The following NRXN3 variants were observed in gnomAD, a reference collection of about 807,000 sequenced individuals.
NRXN3 encodes the protein neurexin 3, also known as neurexin III.
Under a neutral mutation model 137.6 loss-of-function variants are expected in NRXN3, and 32 were observed. The ratio of observed to expected loss-of-function variants is 0.23; its 90% CI spans 0.18 to 0.31. The LOEUF is 0.31. Ranked by LOEUF, NRXN3 falls within the 10% of genes least tolerant of loss-of-function variation. NRXN3 has a pLI of 1.00. For missense variants in NRXN3, 1,574 were observed against 2,062.5 expected (o/e 0.76, Z 4.59); for synonymous variants, 798 against 784.5 (o/e 1.02, Z -0.29).
chr14:79,826,329 C>T (rs1237360686), intron 20 of NRXN3, among the ~76,000 whole-genome samples: 12 of 152,080 alleles, frequency 7.9e-5, no homozygotes, highest in Admixed American at 7.9e-4. Flanking sequence ...TTTCAAATAA[C>T]TTTATAGTTG....
intron 15 of NRXN3, among the ~76,000 whole-genome samples, chr14:79,124,302 C>A (rs2152931295): frequency 6.6e-6 from 1 of 152,290 alleles, no homozygotes; most frequent in Admixed American, 6.5e-5. Flanking sequence ...CTCTGGCTGG[C>A]AAGGTCAGTA....
intron 19 of NRXN3, among the ~76,000 whole-genome samples, chr14:79,712,671 C>CACAGCCA (rs58596989): frequency 0.11 from 16,792 of 152,142 alleles, 1,000 homozygotes; most frequent in Middle Eastern, 0.23. Flanking sequence ...CCATCAGTGC[C>CACAGCCA]ACAGCCAACA....
intron 15 of NRXN3, among the ~76,000 whole-genome samples, chr14:79,328,012 T>C (rs1463773847): frequency 6.6e-6 from 1 of 152,170 alleles, no homozygotes; most frequent in Non-Finnish European, 1.5e-5. Flanking sequence ...ACCTAGATGA[T>C]GGGTTGATAG....
intron 1 of NRXN3, among the ~76,000 whole-genome samples, chr14:78,179,823 TGTTTGTTTCTGTTTTTTTG>T (rs1566912640): frequency 1.4e-4 from 4 of 27,954 alleles, no homozygotes; most frequent in South Asian, 1.3e-3. Flanking sequence ...TTTTTTTTTT[TGTTTGTTTCTGTTTTTTTG>T]TTTTTTTTTT....
intron 15 of NRXN3, among the ~76,000 whole-genome samples, chr14:79,196,102 A>C (rs1342686717): frequency 6.6e-6 from 1 of 152,188 alleles, no homozygotes; most frequent in Non-Finnish European, 1.5e-5. Context: ...GGTGAGATTA[A>C]ATGAGGCAAA....
At chr14:79,433,427 G>T (rs1160962152) in intron 15 of NRXN3, among the ~76,000 whole-genome samples, 2 of 152,092 alleles carry the variant, frequency 1.3e-5, no homozygotes, top group Non-Finnish European at 2.9e-5. Context: ...GAAAGGTTTT[G>T]CCCCTCTTAA....
At chr14:78,546,982 T>G (rs1416418308) in intron 4 of NRXN3, among the ~76,000 whole-genome samples, 1 of 152,190 alleles carries the variant, frequency 6.6e-6, no homozygotes, top group African/African-American at 2.4e-5. Context: ...TCCTCTTATT[T>G]GTTAGGCCAG....
intron 19 of NRXN3, among the ~76,000 whole-genome samples, chr14:79,761,579 G>C (rs948601346): frequency 6.7e-6 from 1 of 149,726 alleles, no homozygotes; most frequent in Non-Finnish European, 1.5e-5. Flanking sequence ...TGTAGTCTCA[G>C]CTACTCGGGA....
At chr14:79,668,163 G>A (rs1013236182) in intron 17 of NRXN3, among the ~76,000 whole-genome samples, 13 of 151,926 alleles carry the variant, frequency 8.6e-5, no homozygotes, top group African/African-American at 2.4e-4. Context: ...AACTTAGAAC[G>A]TGAAAAAGAG....
intron 4 of NRXN3, among the ~76,000 whole-genome samples, chr14:78,641,594 G>A (rs1333822138): frequency 6.6e-6 from 1 of 152,206 alleles, no homozygotes; most frequent in Non-Finnish European, 1.5e-5. Context: ...ACGATTCAGA[G>A]AGAAGCTTTC....
intron 15 of NRXN3, among the ~76,000 whole-genome samples, chr14:79,270,102 C>T (rs1378084084): frequency 1.3e-5 from 2 of 152,138 alleles, no homozygotes; most frequent in Non-Finnish European, 2.9e-5. Flanking sequence ...TGATGTGTCA[C>T]ATAATGTAAA....
chr14:79,750,619 A>G (rs2098994259), intron 19 of NRXN3, among the ~76,000 whole-genome samples: 1 of 152,074 alleles, frequency 6.6e-6, no homozygotes, highest in South Asian at 2.1e-4. Flanking sequence ...GGGGGTACTG[A>G]TTTTCCTACC....
At chr14:79,058,109 A>C (rs1397982757) in intron 15 of NRXN3, among the ~76,000 whole-genome samples, 1 of 152,030 alleles carries the variant, frequency 6.6e-6, no homozygotes, top group Non-Finnish European at 1.5e-5. Flanking sequence ...CTAAAGTAGG[A>C]GATGCGGGAA....
At chr14:79,838,618 T>C (rs1217096840) in intron 20 of NRXN3, among the ~76,000 whole-genome samples, 1 of 152,160 alleles carries the variant, frequency 6.6e-6, no homozygotes, top group Non-Finnish European at 1.5e-5. Context: ...GTAGTCTGGC[T>C]GAGGAGATAT....
intron 15 of NRXN3, among the ~76,000 whole-genome samples, chr14:79,375,859 T>A (rs756684928): frequency 6.6e-6 from 1 of 151,922 alleles, no homozygotes; most frequent in Non-Finnish European, 1.5e-5. Flanking sequence ...TTTGACTTGA[T>A]GAGAAGAGAT....
At chr14:78,843,512 T>A (rs1172387275) in intron 10 of NRXN3, among the ~76,000 whole-genome samples, 1 of 152,122 alleles carries the variant, frequency 6.6e-6, no homozygotes, top group Non-Finnish European at 1.5e-5. Flanking sequence ...CTAGAAAGAA[T>A]CTTAAAATCT....
At chr14:79,534,199 C>T (rs913070243) in intron 16 of NRXN3, among the ~76,000 whole-genome samples, 3 of 152,116 alleles carry the variant, frequency 2.0e-5, no homozygotes, top group African/African-American at 7.2e-5. Context: ...TGGTTTATTC[C>T]ACCTCTCTAG....
chr14:79,694,885 CAGAAACAGACCA>C (rs2098729582), intron 18 of NRXN3, among the ~76,000 whole-genome samples: 1 of 151,874 alleles, frequency 6.6e-6, no homozygotes, highest in South Asian at 2.1e-4. Flanking sequence ...CAGATCTAGC[CAGAAACAGACCA>C]TGAAACAAAC....
At chr14:78,768,759 C>T (rs182240027) in intron 8 of NRXN3, among the ~76,000 whole-genome samples, 265 of 152,194 alleles carry the variant, frequency 1.7e-3, no homozygotes, top group South Asian at 0.015. Context: ...AGAGTTTGGA[C>T]GCTAAAATGC....
Sources: gnomAD v4.1 joint callset for allele counts (sites outside exome capture counted in the v4.1 genomes callset) on GRCh38, gnomAD v4.1.1 for gene constraint, MANE v1.5 for transcripts, NCBI Gene and HGNC (gene_info 2026-07-23, HGNC 2026-07-21) for gene names.